Variants in NME9 observed in about 807,000 individuals in gnomAD.
NME9 encodes the protein thioredoxin domain-containing protein 6.
In NME9, 48 loss-of-function variants were observed where a neutral mutation model predicts 44.4. That is an observed-to-expected ratio of 1.08 (90% CI 0.86 to 1.37). The LOEUF is 1.37. Among genes scored for constraint, NME9 ranks in the 40% most tolerant of loss-of-function variants. The pLI is 0.00. For synonymous variants in NME9, 139 were observed against 147.1 expected, an observed-to-expected ratio of 0.94 and a Z score of 0.40; for missense variants, 325 against 405.2, an observed-to-expected ratio of 0.80 and a Z score of 1.70.
intron 8 of NME9, among the ~76,000 whole-genome samples, chr3:138,264,894 ATTTTT>A (rs771921655): frequency 7.1e-6 from 1 of 140,146 alleles, no homozygotes; most frequent in Non-Finnish European, 1.6e-5. Flanking sequence ...CAATCCCTGG[ATTTTT>A]TTTTTTTTTT....
intron 9 of NME9, among the ~76,000 whole-genome samples, chr3:138,304,248 GTCCCC>G (rs2052063636): frequency 6.6e-6 from 1 of 152,116 alleles, no homozygotes; most frequent in Non-Finnish European, 1.5e-5. Flanking sequence ...AATGTTCCTG[GTCCCC>G]TACACCTACA....
Position 138,306,475 on chromosome 3 carries a change from A to T in NME9, c.466T>A (p.Ser156Thr). ...NNGEDEDMVS[S>T]ERTCTLAIIK... is the part of the protein sequence containing the mutation. ...ATGGCCAAGGTACAGGTCCTCTCTG[A>T]TGAAACTAAGCCAAAAAATGGTGCT... The change falls in exon 7 of 11, where the codon TCA (serine) becomes ACA (threonine). Residue 156 changes from serine (S) to threonine (T), a missense_variant. Ser to Thr is a moderately conservative substitution (Grantham distance 58, BLOSUM62 1). Coordinates refer to ENST00000333911, the MANE Select transcript of NME9 (RefSeq NM_001349018.2). The T allele has an allele frequency of 1.2e-6, 2 of 1,604,314 alleles. No individual in the cohort carries two copies. Among genetic ancestry groups the T allele is most frequent in the Non-Finnish European group, 1.7e-6 (2 of 1,175,848 alleles).
At chr3:138,327,110 C>T (rs1187733136) in intron 1 of NME9, 2 of 144,154 alleles carry the variant, frequency 1.4e-5, no homozygotes, top group Non-Finnish European at 3.0e-5. Context: ...GAGATGAGAT[C>T]ATGCCGCTGC....
At chr3:138,261,504 C>G (rs2047739877) in exon 9 of NME9, 1 of 152,064 alleles carries the variant, frequency 6.6e-6, no homozygotes, top group African/African-American at 2.4e-5. Context: ...AGCTAGAGGT[C>G]AGGAAAGAAC....
At chr3:138,314,744 T>G (rs2052952071) in intron 5 of NME9, among the ~76,000 whole-genome samples, 1 of 152,204 alleles carries the variant, frequency 6.6e-6, no homozygotes, top group East Asian at 1.9e-4. Flanking sequence ...CGCCAAGAGA[T>G]AATATTCCCT....
intron 2 of NME9, 126 bp downstream of exon 2, chr3:138,324,747 G>T: frequency 1.5e-6 from 1 of 688,470 alleles, no homozygotes; most frequent in Admixed American, 2.1e-5. Context: ...CACATCACCT[G>T]GTTTTTTATG....
At chr3:138,324,518 G>A (rs1033502045) in intron 2 of NME9, 64 of 469,734 alleles carry the variant, frequency 1.4e-4, no homozygotes, top group African/African-American at 1.1e-3. Flanking sequence ...TCAAGTCCCA[G>A]TGATGCCTGG....
At chr3:138,313,493 A>T (rs1423312721) in intron 6 of NME9, among the ~76,000 whole-genome samples, 1 of 152,218 alleles carries the variant, frequency 6.6e-6, no homozygotes, top group African/African-American at 2.4e-5. Context: ...TAGCACAGCC[A>T]CTATAGAAAA....
At chr3:138,273,537 CG>C (rs2048979658) in intron 8 of NME9, among the ~76,000 whole-genome samples, 1 of 152,110 alleles carries the variant, frequency 6.6e-6, no homozygotes, top group African/African-American at 2.4e-5. Flanking sequence ...CCCACATTTA[CG>C]GGATTGACCT....
chr3:138,262,776 TC>T (rs1560008730), intron 8 of NME9, among the ~76,000 whole-genome samples: 1 of 152,110 alleles, frequency 6.6e-6, no homozygotes, highest in Non-Finnish European at 1.5e-5. Context: ...GAGTAACGAC[TC>T]CCATTAATGA....
Position 138,329,463 on chromosome 3 carries a change from C to G in NME9, c.-128G>C. ...CAGACAAGCCCCCCTCCTACGGCCC[C>G]CGGCCCCTTTTTAAGGTGCTTCTAA... On this transcript the variant is annotated 5_prime_UTR_variant, in exon 1 of 11. Transcript: ENST00000333911. The G allele has an allele frequency of 6.7e-7, 1 of 1,494,914 alleles. No individual in the cohort carries two copies. The highest frequency in any genetic ancestry group is 2.3e-5 in the Admixed American group (1 of 43,720). The allele number at this position is 1,494,914 out of a possible 1,614,324, so 92.6% of individuals were successfully genotyped here.
chr3:138,277,758 A>G (rs779670059), intron 8 of NME9, among the ~76,000 whole-genome samples: 5 of 152,228 alleles, frequency 3.3e-5, no homozygotes, highest in African/African-American at 1.2e-4. Context: ...TATACGTGCC[A>G]TACGACCCAG....
At chr3:138,322,197 G>A (rs1577202054) in intron 2 of NME9, among the ~76,000 whole-genome samples, 3 of 152,278 alleles carry the variant, frequency 2.0e-5, no homozygotes, top group Admixed American at 6.5e-5. Flanking sequence ...AAAAGGGCAG[G>A]TTTAAATCCC....
chr3:138,300,513 C>T (rs1246684708), downstream of NME9, among the ~76,000 whole-genome samples: 1 of 152,180 alleles, frequency 6.6e-6, no homozygotes, highest in Non-Finnish European at 1.5e-5. Context: ...GGCAAATTTA[C>T]AAATAAAGTC....
chr3:138,302,676 G>T (rs1177024991), intron 10 of NME9, among the ~76,000 whole-genome samples: 5 of 152,146 alleles, frequency 3.3e-5, no homozygotes. Flanking sequence ...ATTTTGACTT[G>T]GCTGCATTTC....
intron 5 of NME9, 130 bp downstream of exon 5, chr3:138,315,397 C>T: frequency 3.1e-6 from 2 of 644,358 alleles, no homozygotes; most frequent in Non-Finnish European, 5.5e-6. Context: ...AGGAACAGAC[C>T]CAGGTGAAAC....
chr3:138,288,157 C>A (rs1577038312), intron 8 of NME9: 2 of 153,436 alleles, frequency 1.3e-5, no homozygotes, highest in Non-Finnish European at 2.9e-5. Context: ...TTGTTTTCAG[C>A]AAGTTGTGTC....
chr3:138,262,792 C>T (rs1300541848), intron 8 of NME9, among the ~76,000 whole-genome samples: 3 of 152,104 alleles, frequency 2.0e-5, no homozygotes, highest in African/African-American at 7.2e-5. Flanking sequence ...TAATGAGTTG[C>T]CCATATTGGG....
chr3:138,303,086 AG>A (rs1293543649), intron 10 of NME9, among the ~76,000 whole-genome samples: 1 of 152,226 alleles, frequency 6.6e-6, no homozygotes, highest in African/African-American at 2.4e-5. Context: ...CTCCAGGTTG[AG>A]GGCCCTTCCG....
Sources: gnomAD v4.1 joint callset for allele counts (sites outside exome capture counted in the v4.1 genomes callset) on GRCh38, gnomAD v4.1.1 for gene constraint, MANE v1.5 for transcripts, NCBI Gene and HGNC (gene_info 2026-07-23, HGNC 2026-07-21) for gene names.